Variants in YEATS2 observed in about 807,000 individuals in gnomAD.
The protein encoded by YEATS2 is YEATS domain containing 2, also known as YEATS domain-containing protein 2.
A neutral mutation model predicts 163.2 loss-of-function variants in YEATS2; 77 were observed. The observed-to-expected ratio is 0.47, with a 90% CI of 0.39 to 0.57. The LOEUF (loss-of-function observed/expected upper bound fraction) is 0.57, where lower values mean the gene tolerates loss of function less well. YEATS2 is among the 20% of genes least tolerant of loss of function. The probability of loss-of-function intolerance (pLI) is 0.00; values close to 1 mark genes in which losing one functional copy is unlikely to be tolerated. For missense variants in YEATS2, 1,549 were observed against 1,729.8 expected (o/e 0.90, Z 1.85); for synonymous variants, 631 against 645.1 (o/e 0.98, Z 0.33).
intron 1 of YEATS2, among the ~76,000 whole-genome samples, chr3:183,699,763 G>A (rs1330072083): frequency 6.6e-6 from 1 of 152,148 alleles, no homozygotes; most frequent in Non-Finnish European, 1.5e-5. Flanking sequence ...CATGTATCAT[G>A]GCAGCCAAAA....
intron 9 of YEATS2, among the ~76,000 whole-genome samples, chr3:183,750,817 A>G (rs547777844): frequency 1.6e-4 from 25 of 152,292 alleles, no homozygotes; most frequent in African/African-American, 6.0e-4. Flanking sequence ...GCTAAGTGAC[A>G]GGAGTTATTC....
At chr3:183,751,976 T>C (rs1720211886) in intron 9 of YEATS2, 97 bp from the exon 10 acceptor site, 5 of 1,341,976 alleles carry the variant, frequency 3.7e-6, no homozygotes, top group Non-Finnish European at 5.2e-6. Context: ...TTAGAAGTTA[T>C]CTCTCACATC....
chr3:183,721,950 A>G lies in YEATS2; in HGVS notation c.351A>G (p.Glu117=), dbSNP rs779118217. The change falls in exon 5 of 31, where the codon GAA becomes GAG. Residue 117 remains glutamate (E), a synonymous_variant. Transcript: ENST00000305135. ...ATCCTGCTATCAAGAAATTTTTGGA[A>G]TCACCATCTAGGTCATCATCTCCTG... is the stretch of plus-strand genomic sequence containing the variant. ...FNHPAIKKFL[E]SPSRSSSPAN... is the part of the protein sequence containing the mutation. 4.3e-6 allele frequency: 7 copies of G among 1,614,068 alleles called. No individual in the cohort carries two copies. Among genetic ancestry groups the G allele is most frequent in the South Asian group, 1.1e-5 (1 of 91,080 alleles).
chr3:183,804,220 TG>T, intron 27 of YEATS2, 32 bp downstream of exon 27: 2 of 1,612,236 alleles, frequency 1.2e-6, no homozygotes, highest in South Asian at 1.1e-5. Flanking sequence ...CCAGAGCGCC[TG>T]GCAGCCTGGA....
intron 20 of YEATS2, among the ~76,000 whole-genome samples, chr3:183,790,414 T>C (rs1439294208): frequency 2.2e-5 from 1 of 44,752 alleles, no homozygotes; most frequent in Non-Finnish European, 5.1e-5. Context: ...GTTTGTTCAA[T>C]GAAGTGAATC....
At position 183,762,171 on chromosome 3, in the gene YEATS2, G is replaced by A. The variant is rs371840357; in HGVS notation, c.1839G>A (p.Pro613=). ...ATGAASQSPL[P]QYVTVKGGHM... is the part of the protein sequence containing the mutation. ...GAGCTGCCAGCCAGTCACCACTCCC[G>A]CAGTATGTGACTGTGAAAGGGGGTC... The change falls in exon 15 of 31, where the codon CCG becomes CCA. Residue 613 remains proline, a synonymous_variant. Coordinates refer to ENST00000305135, the MANE Select transcript of YEATS2 (RefSeq NM_018023.5). 65 of 1,613,984 alleles carry A rather than the reference G, an allele frequency of 4.0e-5. No individual in the cohort carries two copies. Among genetic ancestry groups the A allele is most frequent in the Non-Finnish European group, 5.3e-5 (62 of 1,180,022 alleles).
intron 1 of YEATS2, among the ~76,000 whole-genome samples, chr3:183,699,206 T>A (rs1713808219): frequency 6.6e-6 from 1 of 152,050 alleles, no homozygotes; most frequent in Non-Finnish European, 1.5e-5. Context: ...GTGGGAATCT[T>A]TGCTTTTTTG....
chr3:183,748,019 T>C (rs1719739386), intron 9 of YEATS2, among the ~76,000 whole-genome samples: 1 of 151,958 alleles, frequency 6.6e-6, no homozygotes, highest in Non-Finnish European at 1.5e-5. Context: ...CATTTTTAAT[T>C]AGGGAAAAAA....
intron 15 of YEATS2, among the ~76,000 whole-genome samples, chr3:183,764,715 G>A (rs910300691): frequency 6.6e-6 from 1 of 152,244 alleles, no homozygotes; most frequent in East Asian, 1.9e-4. Context: ...GCTGAGGCAG[G>A]AGAAACGCTT....
chr3:183,701,422 T>TGTCGCCC (rs1486386459), intron 1 of YEATS2, among the ~76,000 whole-genome samples: 1 of 152,072 alleles, frequency 6.6e-6, no homozygotes, highest in African/African-American at 2.4e-5. Flanking sequence ...GGTCTGTCTC[T>TGTCGCCC]GTCGCCCAGG....
At chr3:183,788,520 T>C (rs1366337989) in intron 20 of YEATS2, among the ~76,000 whole-genome samples, 2 of 152,258 alleles carry the variant, frequency 1.3e-5, no homozygotes, top group African/African-American at 4.8e-5. Context: ...ATTGTGTATA[T>C]GTACCACATT....
intron 21 of YEATS2, 67 bp from the exon 22 acceptor site, chr3:183,797,856 C>G: frequency 1.3e-6 from 2 of 1,598,578 alleles, no homozygotes; most frequent in Non-Finnish European, 8.5e-7. Context: ...ATGGGTAGCA[C>G]AGAGGATAAG....
chr3:183,732,469 A>T (rs565830630), intron 7 of YEATS2, among the ~76,000 whole-genome samples: 3 of 149,974 alleles, frequency 2.0e-5, no homozygotes, highest in South Asian at 2.1e-4. Context: ...AATAAATAAA[A>T]AATAAATAAA....
Position 183,762,084 on chromosome 3 carries a change from T to C in YEATS2, c.1765-13T>C, listed in dbSNP as rs756780429. 10 of 1,614,122 alleles carry C rather than the reference T, an allele frequency of 6.2e-6. No individual in the cohort carries two copies. The South Asian group carries it at 9.9e-5, about 16-fold the overall frequency. On this transcript the variant is annotated splice_polypyrimidine_tract_variant and intron_variant, in intron 14 of 30. Coordinates refer to ENST00000305135, the MANE Select transcript of YEATS2 (RefSeq NM_018023.5). ...TATGGATGTTTATTCAGTGTCATTATGTTTGTTGCAAGGTGATCATCAAAC... is the reference window on the plus strand; with the variant it reads ...TATGGATGTTTATTCAGTGTCATTACGTTTGTTGCAAGGTGATCATCAAAC...
intron 6 of YEATS2, among the ~76,000 whole-genome samples, chr3:183,728,027 A>C (rs1260638101): frequency 6.6e-6 from 1 of 151,956 alleles, no homozygotes; most frequent in Non-Finnish European, 1.5e-5. Context: ...AACCAAATTC[A>C]TGTTTTATTT....
intron 30 of YEATS2, 37 bp downstream of exon 30, chr3:183,809,207 C>T (rs1387509945): frequency 6.3e-7 from 1 of 1,599,470 alleles, no homozygotes; most frequent in Non-Finnish European, 8.6e-7. Context: ...GTGAGGCTTA[C>T]ACCTCTTTCC....
chr3:183,777,079 T>C (rs1438676974), intron 18 of YEATS2, among the ~76,000 whole-genome samples: 3 of 152,194 alleles, frequency 2.0e-5, no homozygotes, highest in African/African-American at 7.2e-5. Context: ...AGTTGAAAAG[T>C]TGCTCATAGA....
At chr3:183,806,388 T>C (rs1408542481) in intron 27 of YEATS2, 2 of 456,528 alleles carry the variant, frequency 4.4e-6, no homozygotes, top group Non-Finnish European at 8.8e-6. Context: ...CTTGAGGTCC[T>C]CACACTCCTG....
chr3:183,787,583 A>G (rs915502114), intron 20 of YEATS2, among the ~76,000 whole-genome samples: 1 of 152,086 alleles, frequency 6.6e-6, no homozygotes, highest in African/African-American at 2.4e-5. Flanking sequence ...TACTTTATAT[A>G]TTCTAGATAT....
Sources: gnomAD v4.1 joint callset for allele counts (sites outside exome capture counted in the v4.1 genomes callset) on GRCh38, gnomAD v4.1.1 for gene constraint, MANE v1.5 for transcripts, NCBI Gene and HGNC (gene_info 2026-07-23, HGNC 2026-07-21) for gene names.